Variants in WIPF1 observed in about 807,000 individuals in gnomAD.
WIPF1 encodes the protein WAS/WASL interacting protein family member 1.
WIPF1 carries 13 observed loss-of-function variants against 35.4 expected under a neutral mutation model. The ratio of observed to expected loss-of-function variants is 0.37; its 90% confidence interval spans 0.24 to 0.58. The LOEUF (loss-of-function observed/expected upper bound fraction) is 0.58. Among genes scored for constraint, WIPF1 ranks in the 20% least tolerant of loss-of-function variants. The pLI is 0.74. For missense variants in WIPF1, 591 were observed against 667.0 expected, an observed-to-expected ratio of 0.89 and a Z score of 1.25; for synonymous variants, 267 against 266.3, an observed-to-expected ratio of 1.00 and a Z score of -0.02.
At chr2:174,623,473 T>C (rs988461587) in intron 1 of WIPF1, 3 of 152,216 alleles carry the variant, frequency 2.0e-5, no homozygotes, top group African/African-American at 4.8e-5. Flanking sequence ...CATGCATCTC[T>C]CTATAAGGCA....
chr2:174,616,884 T>C (rs1686521752), intron 1 of WIPF1, among the ~76,000 whole-genome samples: 1 of 152,336 alleles, frequency 6.6e-6, no homozygotes, highest in Non-Finnish European at 1.5e-5. Flanking sequence ...TTGAGGTGTT[T>C]CTTGCTAACT....
At chr2:174,594,076 T>C (rs2105864162) in intron 1 of WIPF1, among the ~76,000 whole-genome samples, 1 of 152,366 alleles carries the variant, frequency 6.6e-6, no homozygotes, top group South Asian at 2.1e-4. Context: ...ACAGAATCCC[T>C]CATTTCTCAA....
chr2:174,567,073 G>C lies in WIPF1; in HGVS notation c.1453C>G (p.Arg485Gly). The C allele has an allele frequency of 6.2e-7, 1 of 1,614,028 alleles. No individual in the cohort carries two copies. Among genetic ancestry groups the C allele is most frequent in the Non-Finnish European group, 8.5e-7 (1 of 1,179,940 alleles). ...AAACCTTGGCAGAAATACTCACTCC[G>C]GCTTTCGTTTCTTGCCAGTTTGCTG... The part of the protein sequence containing the change: ...YPSKLARNES[R>G]SGSNRRERGA... The change falls in exon 7 of 8, where the codon CGG becomes GGG. Residue 485 changes from arginine to glycine, a missense_variant. Transcript: ENST00000679041.
intron 1 of WIPF1, among the ~76,000 whole-genome samples, chr2:174,586,034 T>C (rs903416840): frequency 6.6e-6 from 1 of 152,166 alleles, no homozygotes; most frequent in Non-Finnish European, 1.5e-5. Context: ...CCTCTGGCTT[T>C]CTCCTCCCAT....
At chr2:174,658,886 G>A (rs1286859946) in intron 1 of WIPF1, among the ~76,000 whole-genome samples, 1 of 151,828 alleles carries the variant, frequency 6.6e-6, no homozygotes, top group Non-Finnish European at 1.5e-5. Flanking sequence ...TGACTGAAAA[G>A]GATCCCGCAG....
intron 6 of WIPF1, among the ~76,000 whole-genome samples, chr2:174,567,428 C>T (rs1376429819): frequency 6.6e-6 from 1 of 152,258 alleles, no homozygotes; most frequent in Non-Finnish European, 1.5e-5. Context: ...GCCAGTCCCT[C>T]TTAGGAGCTG....
chr2:174,639,604 T>C (rs1004531062), intron 1 of WIPF1, among the ~76,000 whole-genome samples: 1 of 152,330 alleles, frequency 6.6e-6, no homozygotes, highest in Middle Eastern at 3.4e-3. Context: ...TTATATAGCC[T>C]GGATATTAAC....
intron 1 of WIPF1, among the ~76,000 whole-genome samples, chr2:174,679,738 G>A (rs2105998852): frequency 6.6e-6 from 1 of 152,262 alleles, no homozygotes; most frequent in Non-Finnish European, 1.5e-5. Flanking sequence ...ATATTCTGGG[G>A]GCTTTGGTAC....
intron 5 of WIPF1, chr2:174,568,958 GA>G (rs1292754861): frequency 6.6e-6 from 1 of 152,006 alleles, no homozygotes; most frequent in Non-Finnish European, 1.5e-5. Flanking sequence ...TAATACAAAA[GA>G]AAACCATCTT....
rs548922607 is a variant in WIPF1 at position 174,585,842 on chromosome 2, C to T, written c.-38-231G>A. Among the ~76,000 whole-genome samples, 5 of 152,306 alleles carry T rather than the reference C, an allele frequency of 3.3e-5. No homozygotes were observed. In the East Asian group the frequency reaches 5.8e-4, roughly 18 times the overall value. On this transcript the variant is annotated intron_variant, in intron 1 of 7. Coordinates refer to ENST00000679041, the MANE Select transcript of WIPF1 (RefSeq NM_001375834.1). ...TGGAGGCCACATCCAGTGCCTTACT[C>T]GGCTCCATTCCCCCACCCACTACAG...
rs777176983 is a variant in WIPF1 at position 174,567,939 on chromosome 2, T to C, written c.1264A>G (p.Arg422Gly). The stretch of plus-strand genomic sequence containing the variant: ...GGGGGAGGTGCCCCAGCACTGGGCC[T>C]ATCAGGAGGAAGGGGAGGCCTGGGT... ...SGPRPPLPPD[R>G]PSAGAPPPPP... Residue 422 changes from arginine (R) to glycine (G), a missense_variant, in exon 6 of 8, where the codon AGG becomes GGG. This residue lies in a region of WIPF1 where 117 missense variants were observed against 149.6 expected (regional missense o/e 0.78). Coordinates refer to ENST00000679041, the MANE Select transcript of WIPF1 (RefSeq NM_001375834.1). 3 of 1,613,952 alleles carry C rather than the reference T, an allele frequency of 1.9e-6. No homozygotes were observed. The African/African-American group carries it at 4.0e-5, about 22-fold the overall frequency.
In WIPF1 at chr2:174,597,711, G is replaced by GC. The variant is rs1685867746; in HGVS notation, c.-150dup. The GC allele has an allele frequency of 6.6e-6, 1 of 152,570 alleles. No homozygotes were observed. The highest frequency in any genetic ancestry group is 1.5e-5 in the Non-Finnish European group (1 of 68,036). The allele number at this position is 152,570 out of a possible 1,614,324, so 9.5% of individuals were successfully genotyped here. ...CCTGAAAAAGGTATCATCTTCTAAC[G>GC]CAAGTGTGGGGTCGTTTTTGGACAG... On this transcript the variant is annotated 5_prime_UTR_variant, in exon 1 of 8. It introduces an in-frame stop codon into an upstream open reading frame of the 5' UTR. Coordinates refer to ENST00000679041, the MANE Select transcript of WIPF1 (RefSeq NM_001375834.1).
intron 1 of WIPF1, among the ~76,000 whole-genome samples, chr2:174,658,438 C>G (rs958609495): frequency 6.6e-6 from 1 of 152,074 alleles, no homozygotes; most frequent in African/African-American, 2.4e-5. Flanking sequence ...ATTACTGATA[C>G]AGGTGGGCCT....
At chr2:174,575,464 G>A (rs763839620) in intron 3 of WIPF1, 84 bp from the exon 4 acceptor site, 147 of 1,457,028 alleles carry the variant, frequency 1.0e-4, no homozygotes, top group Non-Finnish European at 1.0e-4. Flanking sequence ...CAGGGAGCTG[G>A]CCGGCTCTCG....
intron 1 of WIPF1, among the ~76,000 whole-genome samples, chr2:174,623,734 A>G (rs548055118): frequency 6.6e-6 from 1 of 152,322 alleles, no homozygotes; most frequent in East Asian, 1.9e-4. Context: ...ATTTTATTTC[A>G]TTTTGTGGCA....
At chr2:174,564,193 G>A (rs1006395370) in intron 7 of WIPF1, among the ~76,000 whole-genome samples, 2 of 152,256 alleles carry the variant, frequency 1.3e-5, no homozygotes, top group Non-Finnish European at 2.9e-5. Context: ...CTTGGTACTC[G>A]ACGGTGCCTT....
At chr2:174,607,803 G>T (rs942923388) in intron 1 of WIPF1, among the ~76,000 whole-genome samples, 3 of 152,218 alleles carry the variant, frequency 2.0e-5, no homozygotes, top group Non-Finnish European at 4.4e-5. Context: ...GGCAGAGTTT[G>T]TCTTGGTCAC....
At chr2:174,667,323 C>T (rs1468598480) in intron 1 of WIPF1, among the ~76,000 whole-genome samples, 2 of 152,166 alleles carry the variant, frequency 1.3e-5, no homozygotes, top group African/African-American at 4.8e-5. Context: ...TTCAATTCTC[C>T]CAAAATGCTC....
chr2:174,637,065 T>C (rs560575061), intron 1 of WIPF1, among the ~76,000 whole-genome samples: 12 of 152,234 alleles, frequency 7.9e-5, no homozygotes, highest in Non-Finnish European at 1.5e-4. Flanking sequence ...TACATATTTA[T>C]TAATGTATTC....
Sources: allele counts gnomAD v4.1 joint callset (sites outside exome capture counted in the v4.1 genomes callset), GRCh38; gene constraint gnomAD v4.1.1; regional missense constraint gnomAD v4.1.1; transcripts MANE v1.5; gene names NCBI Gene and HGNC (gene_info 2026-07-23, HGNC 2026-07-21).